Variants in ACSL3 observed in about 807,000 individuals in gnomAD.
ACSL3 encodes the protein acyl-CoA synthetase long chain family member 3, also known as fatty acid CoA ligase Acsl3.
In ACSL3, 34 loss-of-function variants were observed where a neutral mutation model predicts 84.7. The ratio of observed to expected loss-of-function variants is 0.40; its 90% CI spans 0.31 to 0.53. ACSL3 has a LOEUF of 0.53. Ranked by LOEUF, ACSL3 falls within the 20% of genes least tolerant of loss-of-function variation. The probability of loss-of-function intolerance (pLI) is 0.48; values close to 1 mark genes in which losing one functional copy is unlikely to be tolerated. For missense variants in ACSL3, 680 were observed against 873.1 expected, an observed-to-expected ratio of 0.78 and a Z score of 2.79; for synonymous variants, 315 against 299.4, an observed-to-expected ratio of 1.05 and a Z score of -0.54.
At chr2:222,880,843 A>C (rs1574522695) in intron 1 of ACSL3, among the ~76,000 whole-genome samples, 1 of 151,578 alleles carries the variant, frequency 6.6e-6, no homozygotes, top group Non-Finnish European at 1.5e-5. Flanking sequence ...AAAAAAAAAA[A>C]AACAAAAAAA....
chr2:222,899,717 T>C (rs1022612494), intron 2 of ACSL3, among the ~76,000 whole-genome samples: 1 of 152,146 alleles, frequency 6.6e-6, no homozygotes. Context: ...GGTACAGTGC[T>C]GGTATACATG....
intron 1 of ACSL3, among the ~76,000 whole-genome samples, chr2:222,864,973 T>C (rs1695101019): frequency 6.6e-6 from 1 of 152,230 alleles, no homozygotes; most frequent in African/African-American, 2.4e-5. Flanking sequence ...TAGAAAACTT[T>C]GTTGCAAGAG....
chr2:222,876,475 C>T (rs1336816187), intron 1 of ACSL3, among the ~76,000 whole-genome samples: 1 of 152,064 alleles, frequency 6.6e-6, no homozygotes, highest in African/African-American at 2.4e-5. Flanking sequence ...GCGTGTGCCA[C>T]CATGGCCAGC....
chr2:222,941,394 G>T, intron 16 of ACSL3, 103 bp from the exon 17 acceptor site: 1 of 865,464 alleles, frequency 1.2e-6, no homozygotes, highest in Non-Finnish European at 1.7e-6. Flanking sequence ...TGGTTCACTT[G>T]TTGGTTGTGC....
At chr2:222,875,073 T>G (rs554642790) in intron 1 of ACSL3, among the ~76,000 whole-genome samples, 4 of 152,364 alleles carry the variant, frequency 2.6e-5, no homozygotes, top group African/African-American at 7.2e-5. Context: ...TTACTTTTTT[T>G]TGCGTTGTGT....
At chr2:222,869,249 A>G (rs1695235509) in intron 1 of ACSL3, among the ~76,000 whole-genome samples, 1 of 152,142 alleles carries the variant, frequency 6.6e-6, no homozygotes, top group South Asian at 2.1e-4. Flanking sequence ...GAGTGACTTA[A>G]CCTTTCTCAG....
At chr2:222,919,292 C>T (rs990015987) in intron 7 of ACSL3, 90 bp downstream of exon 7, 8 of 1,464,098 alleles carry the variant, frequency 5.5e-6, no homozygotes, top group Non-Finnish European at 7.4e-6. Context: ...GAGGTTAGCT[C>T]AAATGACACA....
At chr2:222,875,067 T>G (rs1217926637) in intron 1 of ACSL3, among the ~76,000 whole-genome samples, 2 of 152,046 alleles carry the variant, frequency 1.3e-5, no homozygotes, top group African/African-American at 4.8e-5. Flanking sequence ...TTTGATTTAC[T>G]TTTTTTTGCG....
chr2:222,887,446 CTG>C (rs1408805096), intron 1 of ACSL3, among the ~76,000 whole-genome samples: 1 of 152,154 alleles, frequency 6.6e-6, no homozygotes, highest in Non-Finnish European at 1.5e-5. Context: ...ATACCAAGCA[CTG>C]TGGTTGCTGG....
intron 12 of ACSL3, among the ~76,000 whole-genome samples, chr2:222,928,652 TA>T (rs5838971): frequency 0.012 from 1,573 of 134,886 alleles, 15 homozygotes; most frequent in African/African-American, 0.021. Flanking sequence ...ATAACTAATT[TA>T]AAAAAAAAAA....
chr2:222,874,674 G>GAA (rs560238491), intron 1 of ACSL3, among the ~76,000 whole-genome samples: 14 of 141,656 alleles, frequency 9.9e-5, no homozygotes, highest in African/African-American at 3.4e-4. Context: ...GACCCTGTCT[G>GAA]AAAAAAAAAA....
At chr2:222,937,031 A>T in intron 16 of ACSL3, among the ~76,000 whole-genome samples, 1 of 152,142 alleles carries the variant, frequency 6.6e-6, no homozygotes, top group African/African-American at 2.4e-5. Context: ...ATTTGAGATG[A>T]GATTTGGGTG....
Position 222,915,924 on chromosome 2 carries a change from G to T in ACSL3, c.379-395G>T, listed in dbSNP as rs944120738. Among the ~76,000 whole-genome samples the T allele has an allele frequency of 2.0e-5, 3 of 152,210 alleles. No individual in the cohort carries two copies. The South Asian group carries it at 6.2e-4, about 32-fold the overall frequency. ...TAAATAGAGAGAAATTAAAATTTTG[G>T]CATCTGCGGTACTTGGTACTAGGCT... On this transcript the variant is annotated intron_variant, in intron 4 of 16. Coordinates refer to ENST00000357430, the MANE Select transcript of ACSL3 (RefSeq NM_004457.5).
chr2:222,916,319 G>A lies in ACSL3; in HGVS notation c.379G>A (p.Val127Ile). The change falls in exon 5 of 17, where the codon GTT becomes ATT. Residue 127 changes from valine to isoleucine, a missense_variant and splice_region_variant. Around this residue, in one of 2 missense-constraint regions of ACSL3, gnomAD observed 333 missense variants for 347.5 expected, o/e 0.96. Transcript: ENST00000357430. ...AAAAAATTTTTTTTTGTTTTATCAG[G>A]TTATTCTTGGACAGTATAATTGGCT... The part of the protein sequence containing the change: ...VQPNGKIFKK[V>I]ILGQYNWLSY... 1.3e-6 allele frequency: 2 copies of A among 1,538,448 alleles called. No homozygotes were observed. The highest frequency in any genetic ancestry group is 1.8e-6 in the Non-Finnish European group (2 of 1,141,500).
rs145813997 is a variant in ACSL3, at chr2:222,924,519, C to T, written c.1216C>T (p.Arg406Cys). The change falls in exon 11 of 17, where the codon CGT becomes TGT. Residue 406 changes from arginine (R) to cysteine (C), a missense_variant. By Grantham distance (180) the Arg-to-Cys change is radical. This residue lies in a region of ACSL3 where 347 missense variants were observed against 525.7 expected (regional missense o/e 0.66). Transcript: ENST00000357430. ...AGTCAGTGAAATGAGTAGTTTTCAA[C>T]GTAATCTGTTTATTCTGGCCTATAA... is the stretch of plus-strand genomic sequence containing the variant. Reference protein sequence around the residue: ...NKVSEMSSFQRNLFILAYNYK... With the variant: ...NKVSEMSSFQCNLFILAYNYK... 21 of 1,610,276 alleles carry T rather than the reference C, an allele frequency of 1.3e-5. No homozygotes were observed. The highest frequency in any genetic ancestry group is 5.0e-5 in the Admixed American group (3 of 59,684).
chr2:222,927,787 T>G lies in ACSL3; in HGVS notation c.1465+598T>G, dbSNP rs1696922781. 8.5e-5 allele frequency among the ~76,000 whole-genome samples: 13 copies of G among 152,330 alleles called. No homozygotes were observed. In the South Asian group the frequency reaches 2.7e-3, roughly 32 times the overall value. Reference sequence around the variant, plus strand: ...TTCCGGTACAGGATACAGCTGTGCTTCTCCTACTTTGTATTTGCCATATAC... The same window carrying G: ...TTCCGGTACAGGATACAGCTGTGCTGCTCCTACTTTGTATTTGCCATATAC... On this transcript the variant is annotated intron_variant, in intron 12 of 16. Coordinates refer to ENST00000357430, the MANE Select transcript of ACSL3 (RefSeq NM_004457.5).
At chr2:222,930,512 T>C (rs1559302282) in intron 13 of ACSL3, 109 bp from the exon 14 acceptor site, 2 of 940,884 alleles carry the variant, frequency 2.1e-6, no homozygotes, top group East Asian at 5.3e-5. Context: ...TTTTTTCCTT[T>C]GGGAAGTTCT....
At chr2:222,872,791 TGTG>T (rs1363559475) in intron 1 of ACSL3, among the ~76,000 whole-genome samples, 1 of 150,202 alleles carries the variant, frequency 6.7e-6, no homozygotes, top group Non-Finnish European at 1.5e-5. Flanking sequence ...AGTGGGGCGG[TGTG>T]GTGGTGGGGC....
At chr2:222,934,416 C>T in intron 15 of ACSL3, 114 bp from the exon 16 acceptor site, 1 of 803,006 alleles carries the variant, frequency 1.2e-6, no homozygotes, top group Non-Finnish European at 1.8e-6. Flanking sequence ...CCAAGTATGG[C>T]ACATGCATTT....
Sources: allele counts gnomAD v4.1 joint callset (sites outside exome capture counted in the v4.1 genomes callset), GRCh38; gene constraint gnomAD v4.1.1; regional missense constraint gnomAD v4.1.1; transcripts MANE v1.5; gene names NCBI Gene and HGNC (gene_info 2026-07-23, HGNC 2026-07-21).